UBE2N: variants seen among roughly 807,000 people sequenced by gnomAD.
UBE2N encodes ubiquitin-conjugating enzyme E2 N.
For missense variants in UBE2N, 60 were observed against 192.1 expected (o/e 0.31, Z 4.07); for synonymous variants, 70 against 69.2 (o/e 1.01, Z -0.06).
At chr12:93,410,493 A>C in intron 3 of UBE2N, 2 of 602,810 alleles carry the variant, frequency 3.3e-6, no homozygotes, top group Admixed American at 6.2e-5. Context: ...TGCACTCAGT[A>C]TTTGTTAAAC....
rs1476225100 is a variant in UBE2N, at chr12:93,407,635, A to C, written c.*2404T>G. 1 of 152,214 alleles carries C rather than the reference A, an allele frequency of 6.6e-6. No homozygotes were observed. The highest frequency in any genetic ancestry group is 1.5e-5 in the Non-Finnish European group (1 of 68,036). The allele number at this position is 152,214 out of a possible 1,614,324, so 9.4% of individuals were successfully genotyped here. A position where few individuals can be genotyped will look rare whatever the true frequency, so the allele number is the denominator to read the frequency against. On this transcript the variant is annotated 3_prime_UTR_variant, in exon 4 of 4. Transcript: ENST00000318066. ...AGGTCTACTGTTGCCAGATCTTCAGATCATTCAAAAGTTACCCGAATTCTG... is the reference window on the plus strand; with the variant it reads ...AGGTCTACTGTTGCCAGATCTTCAGCTCATTCAAAAGTTACCCGAATTCTG...
chr12:93,439,321 T>C (rs753488785), intron 1 of UBE2N, among the ~76,000 whole-genome samples: 11 of 152,132 alleles, frequency 7.2e-5, no homozygotes, highest in Non-Finnish European at 1.5e-4. Context: ...ACCCCGTCCC[T>C]ACAAAAATTA....
chr12:93,410,108 T>A, intron 3 of UBE2N, 29 bp from the exon 4 acceptor site: 1 of 1,607,408 alleles, frequency 6.2e-7, no homozygotes, highest in Non-Finnish European at 8.5e-7. Flanking sequence ...ATACGATTAT[T>A]ATTTTACTTA....
Position 93,407,519 on chromosome 12 carries a change from T to C in UBE2N, c.*2520A>G, listed in dbSNP as rs1877884497. ...GTGCTCGGAGGGGACTCTAGCCAAC[T>C]GGAGAGTAACTGGTGAGAAGACAAT... On this transcript the variant is annotated 3_prime_UTR_variant, in exon 4 of 4. Transcript: ENST00000318066. The C allele has an allele frequency of 6.6e-6, 1 of 152,256 alleles. No homozygotes were observed. Among genetic ancestry groups the C allele is most frequent in the Non-Finnish European group, 1.5e-5 (1 of 68,088 alleles). The allele number at this position is 152,256 out of a possible 1,614,324, so 9.4% of individuals were successfully genotyped here. A position where few individuals can be genotyped will look rare whatever the true frequency, so the allele number is the denominator to read the frequency against.
intron 1 of UBE2N, among the ~76,000 whole-genome samples, chr12:93,414,173 G>C (rs904708142): frequency 5.4e-5 from 8 of 148,500 alleles, no homozygotes; most frequent in African/African-American, 2.0e-4. Context: ...AAAAAGTCTG[G>C]GCATGGTGGC....
chr12:93,440,921 G>A (rs1243086576), intron 1 of UBE2N, among the ~76,000 whole-genome samples: 1 of 150,188 alleles, frequency 6.7e-6, no homozygotes, highest in Non-Finnish European at 1.5e-5. Context: ...AAAATTGAGG[G>A]GCAAAAGATT....
In UBE2N at chr12:93,441,867, G is replaced by C; in HGVS notation, c.18C>G (p.Arg6=). 8 of 1,578,822 alleles carry C rather than the reference G, an allele frequency of 5.1e-6. No homozygotes were observed. The highest frequency in any genetic ancestry group is 6.9e-6 in the Non-Finnish European group (8 of 1,165,154). The stretch of plus-strand genomic sequence containing the variant: ...CCTGGGCGGTTACCTTGATGATCCT[G>C]CGGGGCAGCCCGGCCATCTTGTCAG... MAGLP[R]RIIKETQRLL... Residue 6 remains arginine (R), a synonymous_variant, in exon 1 of 4, where the codon CGC becomes CGG. Coordinates refer to ENST00000318066, the MANE Select transcript of UBE2N (RefSeq NM_003348.4).
intron 1 of UBE2N, among the ~76,000 whole-genome samples, chr12:93,413,588 A>C (rs75386955): frequency 0.075 from 11,343 of 152,080 alleles, 1,333 homozygotes; most frequent in African/African-American, 0.25. Context: ...CTCCTCCCAT[A>C]AAGTCTTCCC....
At chr12:93,422,060 T>C (rs1176555328) in intron 1 of UBE2N, among the ~76,000 whole-genome samples, 2 of 151,660 alleles carry the variant, frequency 1.3e-5, no homozygotes, top group Admixed American at 6.5e-5. Context: ...TAAAGTTTTC[T>C]GGAAAGATTA....
At chr12:93,410,713 A>C in intron 3 of UBE2N, 21 bp downstream of exon 3, 2 of 1,613,520 alleles carry the variant, frequency 1.2e-6, no homozygotes, top group Non-Finnish European at 1.7e-6. Flanking sequence ...AGTGGTGTGA[A>C]GGAGAATGAA....
chr12:93,415,253 T>C (rs1878169939), intron 1 of UBE2N, among the ~76,000 whole-genome samples: 1 of 152,156 alleles, frequency 6.6e-6, no homozygotes, highest in Non-Finnish European at 1.5e-5. Context: ...TTCCACAAGC[T>C]ACAGGGCATA....
At chr12:93,429,096 C>A (rs1878676239) in intron 1 of UBE2N, among the ~76,000 whole-genome samples, 1 of 151,816 alleles carries the variant, frequency 6.6e-6, no homozygotes, top group African/African-American at 2.4e-5. Flanking sequence ...ATGGTGAAAC[C>A]CCGTCTCTAC....
Position 93,408,375 on chromosome 12 carries a change from T to A in UBE2N, c.*1664A>T, listed in dbSNP as rs929697564. On this transcript the variant is annotated 3_prime_UTR_variant, in exon 4 of 4. Coordinates refer to ENST00000318066, the MANE Select transcript of UBE2N (RefSeq NM_003348.4). ...CCAGTCATCAAAAGCTTTTGTATGT[T>A]GAAAATGTAATTTTAATAGTTAATT... is the stretch of plus-strand genomic sequence containing the variant. The A allele has an allele frequency of 2.6e-5, 4 of 152,224 alleles. No homozygotes were observed. The highest frequency in any genetic ancestry group is 6.5e-5 in the Admixed American group (1 of 15,278). 9.4% of individuals were successfully genotyped at this position (152,224 alleles called of 1,614,324 possible). A position where few individuals can be genotyped will look rare whatever the true frequency, so the allele number is the denominator to read the frequency against.
intron 1 of UBE2N, among the ~76,000 whole-genome samples, chr12:93,430,847 T>G (rs1049749914): frequency 4.0e-5 from 6 of 149,976 alleles, no homozygotes; most frequent in Non-Finnish European, 8.9e-5. Context: ...GGGATGGTAG[T>G]GCATGCCTGT....
chr12:93,409,860 G>T lies in UBE2N; in HGVS notation c.*179C>A. ...CTTCTAGCCTCTGCTCATGCTTTATGACAGTGAATCAGGACAAGACATAGA... is the reference window on the plus strand; with the variant it reads ...CTTCTAGCCTCTGCTCATGCTTTATTACAGTGAATCAGGACAAGACATAGA... On this transcript the variant is annotated 3_prime_UTR_variant, in exon 4 of 4. Coordinates refer to ENST00000318066, the MANE Select transcript of UBE2N (RefSeq NM_003348.4). 1 of 646,408 alleles carries T rather than the reference G, an allele frequency of 1.5e-6. No homozygotes were observed. The highest frequency in any genetic ancestry group is 2.7e-6 in the Non-Finnish European group (1 of 363,736). The allele number at this position is 646,408 out of a possible 1,614,324, so 40.0% of individuals were successfully genotyped here.
chr12:93,434,890 GTATTTATT>G (rs141035353), intron 1 of UBE2N, among the ~76,000 whole-genome samples: 29 of 151,314 alleles, frequency 1.9e-4, no homozygotes, highest in South Asian at 4.2e-4. Flanking sequence ...TAATGAGTTT[GTATTTATT>G]TATTTATTTA....
At chr12:93,423,689 C>A (rs1238712133) in intron 1 of UBE2N, among the ~76,000 whole-genome samples, 1 of 152,126 alleles carries the variant, frequency 6.6e-6, no homozygotes, top group African/African-American at 2.4e-5. Flanking sequence ...TCTAAAATGT[C>A]CCTTGAACAT....
At chr12:93,434,412 T>C (rs576881132) in intron 1 of UBE2N, among the ~76,000 whole-genome samples, 1 of 152,240 alleles carries the variant, frequency 6.6e-6, no homozygotes, top group East Asian at 1.9e-4. Flanking sequence ...AATACTAAAG[T>C]ACTTGATAAT....
At chr12:93,433,035 C>A (rs1282004549) in intron 1 of UBE2N, among the ~76,000 whole-genome samples, 2 of 150,442 alleles carry the variant, frequency 1.3e-5, no homozygotes, top group Non-Finnish European at 2.9e-5. Flanking sequence ...CGGGTTCACA[C>A]CATTCTCCTG....
Sources: gnomAD v4.1 joint callset for allele counts (sites outside exome capture counted in the v4.1 genomes callset) on GRCh38, gnomAD v4.1.1 for gene constraint, MANE v1.5 for transcripts, NCBI Gene and HGNC (gene_info 2026-07-23, HGNC 2026-07-21) for gene names.